Variants in KDSR observed in about 807,000 individuals in gnomAD.
KDSR encodes 3-ketodihydrosphingosine reductase, also known as 3-dehydrosphinganine reductase.
A neutral mutation model predicts 41.3 loss-of-function variants in KDSR; 23 were observed. That is an observed-to-expected ratio of 0.56 (90% CI 0.40 to 0.79). The LOEUF is 0.79. KDSR is among the 30% of genes least tolerant of loss of function. The pLI is 0.00. For missense variants in KDSR, 351 were observed against 416.8 expected (o/e 0.84, Z 1.37); for synonymous variants, 138 against 151.7 (o/e 0.91, Z 0.66).
At position 63,353,074 on chromosome 18, in the gene KDSR, G is replaced by A. The variant is rs940913251; in HGVS notation, c.418-1995C>T. 4.6e-5 allele frequency among the ~76,000 whole-genome samples: 7 copies of A among 151,786 alleles called. No homozygotes were observed. In the South Asian group the frequency reaches 6.3e-4, roughly 14 times the overall value. On this transcript the variant is annotated intron_variant, in intron 5 of 9. Coordinates refer to ENST00000645214, the MANE Select transcript of KDSR (RefSeq NM_002035.4). ...TGGGCAACTGTAATCCCAGCTACTC[G>A]GGAGGCTGAGGCAGGAGAATTGCTT... is the stretch of plus-strand genomic sequence containing the variant.
chr18:63,331,187 A>G lies in KDSR; in HGVS notation c.*595T>C, dbSNP rs1385630295. 1 of 233,270 alleles carries G rather than the reference A, an allele frequency of 4.3e-6. No individual in the cohort carries two copies. Among genetic ancestry groups the G allele is most frequent in the Non-Finnish European group, 8.5e-6 (1 of 118,104 alleles). 14.5% of individuals were successfully genotyped at this position (233,270 alleles called of 1,614,324 possible). On this transcript the variant is annotated 3_prime_UTR_variant, in exon 10 of 10. Transcript: ENST00000645214. ...ACCAGCAGCAGAGTGAGTCCTGAGC[A>G]CAACACAGGGCTGTCAGTGACATTC...
At chr18:63,335,126 A>G (rs1914117356) in intron 9 of KDSR, 131 bp downstream of exon 9, 11 of 602,876 alleles carry the variant, frequency 1.8e-5, no homozygotes, top group Admixed American at 3.0e-5. Flanking sequence ...AAAAGTTGAT[A>G]GCTCCATAAA....
chr18:63,357,541 T>C (rs143139465), intron 3 of KDSR, among the ~76,000 whole-genome samples: 2,025 of 145,072 alleles, frequency 0.014, 45 homozygotes, highest in African/African-American at 0.048. Flanking sequence ...TATATATATA[T>C]ACACATATAT....
intron 7 of KDSR, among the ~76,000 whole-genome samples, chr18:63,343,768 A>G (rs1914418261): frequency 6.6e-6 from 1 of 152,112 alleles, no homozygotes; most frequent in Non-Finnish European, 1.5e-5. Flanking sequence ...AGCAGTATAA[A>G]CATGTTAGTT....
At chr18:63,358,005 G>A (rs1914851675) in intron 3 of KDSR, among the ~76,000 whole-genome samples, 1 of 151,982 alleles carries the variant, frequency 6.6e-6, no homozygotes, top group African/African-American at 2.4e-5. Flanking sequence ...GTGAAACCCT[G>A]TCTCTACTAA....
rs185665146 is a variant in KDSR, at chr18:63,329,774, A to G, written c.*2008T>C. Reference sequence around the variant, plus strand: ...ACACTTTCTTGGACTAGATTCTAATATAGATCAGCAGTAGAAGGTGCCAAC... The same window carrying G: ...ACACTTTCTTGGACTAGATTCTAATGTAGATCAGCAGTAGAAGGTGCCAAC... On this transcript the variant is annotated 3_prime_UTR_variant, in exon 10 of 10. Transcript: ENST00000645214. 1 of 194,654 alleles carries G rather than the reference A, an allele frequency of 5.1e-6. No homozygotes were observed. Among genetic ancestry groups the G allele is most frequent in the East Asian group, 8.1e-5 (1 of 12,346 alleles). The allele number at this position is 194,654 out of a possible 1,614,324, so 12.1% of individuals were successfully genotyped here.
At chr18:63,365,928 T>C (rs1010789248) in intron 1 of KDSR, 1 of 152,216 alleles carries the variant, frequency 6.6e-6, no homozygotes, top group African/African-American at 2.4e-5. Context: ...TCACAAACCC[T>C]TGTACAGATT....
At chr18:63,343,642 G>A (rs994362882) in intron 7 of KDSR, among the ~76,000 whole-genome samples, 7 of 151,590 alleles carry the variant, frequency 4.6e-5, no homozygotes, top group African/African-American at 1.7e-4. Flanking sequence ...TCTTGCCTAG[G>A]CCTCCCAAAG....
chr18:63,348,239 G>C (rs921922339), intron 6 of KDSR, among the ~76,000 whole-genome samples: 1 of 151,804 alleles, frequency 6.6e-6, no homozygotes, highest in African/African-American at 2.4e-5. Flanking sequence ...GGCCCAGGAA[G>C]TGGAGGCTAC....
intron 3 of KDSR, among the ~76,000 whole-genome samples, chr18:63,356,144 T>A (rs2144372098): frequency 6.6e-6 from 1 of 152,316 alleles, no homozygotes; most frequent in South Asian, 2.1e-4. Context: ...ACGCCTATAA[T>A]CCCAGCACTT....
At chr18:63,363,544 T>C (rs966392842) in intron 1 of KDSR, among the ~76,000 whole-genome samples, 1 of 150,940 alleles carries the variant, frequency 6.6e-6, no homozygotes. Flanking sequence ...CTACAAAGGA[T>C]ATGAACTCAT....
At chr18:63,348,394 C>T (rs1599330149) in intron 6 of KDSR, among the ~76,000 whole-genome samples, 1 of 151,502 alleles carries the variant, frequency 6.6e-6, no homozygotes, top group African/African-American at 2.4e-5. Context: ...ACACACCTAC[C>T]TTGACCAAAT....
chr18:63,357,528 T>TTA lies in KDSR; in HGVS notation c.256-1967_256-1966dup, dbSNP rs530581945. Among the ~76,000 whole-genome samples the TTA allele has an allele frequency of 7.7e-3, 1,103 of 144,004 alleles. 9 individuals are homozygous for TTA. The highest frequency in any genetic ancestry group is 0.025 in the African/African-American group (994 of 39,554). 94.5% of individuals were successfully genotyped at this position (144,004 alleles called of 152,430 possible). A position where few individuals can be genotyped will look rare whatever the true frequency, so the allele number is the denominator to read the frequency against. ...CAGCAACATAAATGAATTTTTAAAA[T>TTA]TATATATATATATACACATATATAT... On this transcript the variant is annotated intron_variant, in intron 3 of 9. Transcript: ENST00000645214.
intron 8 of KDSR, among the ~76,000 whole-genome samples, chr18:63,338,288 G>A (rs1914242266): frequency 6.6e-6 from 1 of 152,220 alleles, no homozygotes; most frequent in African/African-American, 2.4e-5. Flanking sequence ...CAAAAAGCAT[G>A]AGGCACATAT....
At chr18:63,355,808 G>A (rs1364935626) in intron 3 of KDSR, among the ~76,000 whole-genome samples, 1 of 152,190 alleles carries the variant, frequency 6.6e-6, no homozygotes, top group Non-Finnish European at 1.5e-5. Context: ...CTAATCTATA[G>A]TGACAGAAGG....
chr18:63,347,849 A>G (rs568404758), intron 6 of KDSR, among the ~76,000 whole-genome samples: 1 of 152,318 alleles, frequency 6.6e-6, no homozygotes, highest in East Asian at 1.9e-4. Context: ...TGAGTAAAAA[A>G]AAAAGACTAA....
At chr18:63,337,559 G>A (rs562710412) in intron 8 of KDSR, among the ~76,000 whole-genome samples, 1 of 152,006 alleles carries the variant, frequency 6.6e-6, no homozygotes, top group Non-Finnish European at 1.5e-5. Context: ...GTGGTCAAGA[G>A]AAGAAAAGTT....
chr18:63,327,782 C>G lies in KDSR; in HGVS notation c.*4000G>C, dbSNP rs762040866. 5.4e-6 allele frequency: 1 copy of G among 186,164 alleles called. No homozygotes were observed. Among genetic ancestry groups the G allele is most frequent in the Non-Finnish European group, 1.1e-5 (1 of 88,122 alleles). 11.5% of individuals were successfully genotyped at this position (186,164 alleles called of 1,614,324 possible). On this transcript the variant is annotated 3_prime_UTR_variant, in exon 10 of 10. Transcript: ENST00000645214. Reference sequence around the variant, plus strand: ...ATTTTTTTGTTGTGATTCAGAAATACAAGGTATGAAAATTAGATTACAATT... The same window carrying G: ...ATTTTTTTGTTGTGATTCAGAAATAGAAGGTATGAAAATTAGATTACAATT...
rs2144343647 is a variant in KDSR at position 63,331,594 on chromosome 18, G to A, written c.*188C>T. 1 of 528,462 alleles carries A rather than the reference G, an allele frequency of 1.9e-6. No homozygotes were observed. The highest frequency in any genetic ancestry group is 2.9e-5 in the South Asian group (1 of 34,574). The allele number at this position is 528,462 out of a possible 1,614,324, so 32.7% of individuals were successfully genotyped here. On this transcript the variant is annotated 3_prime_UTR_variant, in exon 10 of 10. Coordinates refer to ENST00000645214, the MANE Select transcript of KDSR (RefSeq NM_002035.4). ...TGGTCTCCTATTCCATATTTGCATA[G>A]TATTAATAATACTGTCAGGAGGTGA... is the stretch of plus-strand genomic sequence containing the variant.
Sources: gnomAD v4.1 joint callset for allele counts (sites outside exome capture counted in the v4.1 genomes callset) on GRCh38, gnomAD v4.1.1 for gene constraint, MANE v1.5 for transcripts, NCBI Gene and HGNC (gene_info 2026-07-23, HGNC 2026-07-21) for gene names.